Variants in PPA2 observed in about 807,000 individuals in gnomAD.
PPA2 encodes inorganic pyrophosphatase 2, also known as inorganic pyrophosphatase 2, mitochondrial.
A neutral mutation model predicts 49.5 loss-of-function variants in PPA2; 48 were observed. That is an observed-to-expected ratio of 0.97 (90% CI 0.77 to 1.23). The LOEUF is 1.23. PPA2 is among the 50% of genes most tolerant of loss of function. PPA2 has a pLI of 0.00. For missense variants in PPA2, 429 were observed against 410.1 expected (o/e 1.05, Z -0.40); for synonymous variants, 131 against 139.9 (o/e 0.94, Z 0.45).
intron 6 of PPA2, among the ~76,000 whole-genome samples, chr4:105,425,723 T>TACACATACACATACAC (rs993307304): frequency 8.2e-6 from 1 of 122,450 alleles, no homozygotes; most frequent in African/African-American, 3.1e-5. Context: ...CACATGCACA[T>TACACATACACATACAC]ACACACACAC....
chr4:105,441,623 G>T (rs1281345011), intron 5 of PPA2, among the ~76,000 whole-genome samples: 2 of 151,790 alleles, frequency 1.3e-5, no homozygotes, highest in African/African-American at 4.8e-5. Context: ...TGACTAACAG[G>T]TATATAAGTA....
Position 105,405,145 on chromosome 4 carries a change from A to G in PPA2, c.656-5981T>C, listed in dbSNP as rs145845718. On this transcript the variant is annotated intron_variant, in intron 7 of 11. Coordinates refer to ENST00000341695, the MANE Select transcript of PPA2 (RefSeq NM_176869.3). ...CATGAGTTAATTTTTTTAGAAAAAT[A>G]CTAAACAGATTTTCATTAATATTGA... 559 of 593,220 alleles carry G rather than the reference A, an allele frequency of 9.4e-4. 22 individuals carry two copies. In the East Asian group the frequency reaches 0.069, roughly 73 times the overall value. The allele number at this position is 593,220 out of a possible 1,614,324, so 36.7% of individuals were successfully genotyped here. A position where few individuals can be genotyped will look rare whatever the true frequency, so the allele number is the denominator to read the frequency against.
At chr4:105,376,567 T>A (rs1733261630) in intron 10 of PPA2, among the ~76,000 whole-genome samples, 1 of 152,174 alleles carries the variant, frequency 6.6e-6, no homozygotes, top group African/African-American at 2.4e-5. Flanking sequence ...CTGAGGGTGC[T>A]GAGACCTCTC....
At chr4:105,436,370 T>C (rs983905456) in intron 6 of PPA2, among the ~76,000 whole-genome samples, 5 of 152,146 alleles carry the variant, frequency 3.3e-5, no homozygotes, top group African/African-American at 9.7e-5. Context: ...AGAATCAATA[T>C]TGTTAAAATG....
At chr4:105,379,398 T>G (rs1733383756) in intron 10 of PPA2, among the ~76,000 whole-genome samples, 1 of 151,398 alleles carries the variant, frequency 6.6e-6, no homozygotes, top group Non-Finnish European at 1.5e-5. Context: ...TATATATATA[T>G]CTATATGTGT....
In PPA2 at chr4:105,414,185, T is replaced by C. The variant is rs141856354; in HGVS notation, c.655+10011A>G. Among the ~76,000 whole-genome samples, 608 of 152,294 alleles carry C rather than the reference T, an allele frequency of 4.0e-3. 3 individuals are homozygous for C. The highest frequency in any genetic ancestry group is 6.6e-3 in the Non-Finnish European group (446 of 68,016). ...TCAGATTGGCAAAAAAATAATAAAC[T>C]ATTATTTAGGAAGCATTTACTCTCA... On this transcript the variant is annotated intron_variant, in intron 7 of 11. Coordinates refer to ENST00000341695, the MANE Select transcript of PPA2 (RefSeq NM_176869.3).
At chr4:105,429,850 T>C (rs1723717432) in intron 6 of PPA2, among the ~76,000 whole-genome samples, 1 of 152,164 alleles carries the variant, frequency 6.6e-6, no homozygotes, top group African/African-American at 2.4e-5. Context: ...GAGTAAAGCC[T>C]TAAGAAAATA....
At chr4:105,400,743 G>A (rs1219957861) in intron 7 of PPA2, among the ~76,000 whole-genome samples, 3 of 152,006 alleles carry the variant, frequency 2.0e-5, no homozygotes, top group East Asian at 1.9e-4. Flanking sequence ...TATGATTTTT[G>A]TTACTTAACT....
At chr4:105,456,219 C>T (rs1414045949) in intron 2 of PPA2, 1 of 477,050 alleles carries the variant, frequency 2.1e-6, no homozygotes, top group Non-Finnish European at 4.2e-6. Context: ...TGGTCAGAAG[C>T]TAATTCCAAA....
chr4:105,395,154 T>A (rs532171806), intron 9 of PPA2, among the ~76,000 whole-genome samples: 14 of 142,000 alleles, frequency 9.9e-5, no homozygotes, highest in Non-Finnish European at 1.7e-4. Flanking sequence ...GTTTCTTTAG[T>A]AAGCAAGAGA....
intron 1 of PPA2, chr4:105,473,602 C>T (rs934960077): frequency 3.1e-6 from 2 of 640,038 alleles, no homozygotes; most frequent in Non-Finnish European, 5.8e-6. Context: ...ACTCTGCCTA[C>T]CCCTCGGGGA....
At chr4:105,383,901 A>AC (rs1210104527) in intron 10 of PPA2, among the ~76,000 whole-genome samples, 1 of 5,328 alleles carries the variant, frequency 1.9e-4, no homozygotes, top group Non-Finnish European at 3.9e-4. Flanking sequence ...CAATTAAAGG[A>AC]CAAAAAAAAA....
intron 6 of PPA2, among the ~76,000 whole-genome samples, chr4:105,434,960 T>C (rs1723981830): frequency 6.6e-6 from 1 of 152,226 alleles, no homozygotes; most frequent in Admixed American, 6.5e-5. Context: ...TCAATCTAAA[T>C]CAATTCAACA....
intron 8 of PPA2, chr4:105,398,512 T>G (rs1397682538): frequency 1.3e-5 from 2 of 152,242 alleles, no homozygotes; most frequent in Non-Finnish European, 2.9e-5. Flanking sequence ...TGCTTTAGAC[T>G]TTAACTCTTT....
At chr4:105,466,844 C>T (rs1271068175) in intron 1 of PPA2, among the ~76,000 whole-genome samples, 2 of 152,196 alleles carry the variant, frequency 1.3e-5, no homozygotes, top group African/African-American at 4.8e-5. Flanking sequence ...CCATGTGCAA[C>T]GTGTTTACTG....
chr4:105,399,229 G>A, intron 7 of PPA2, 65 bp from the exon 8 acceptor site: 3 of 1,493,282 alleles, frequency 2.0e-6, no homozygotes, highest in Non-Finnish European at 1.8e-6. Context: ...TAGTGGCAGA[G>A]CATTGGACTG....
chr4:105,447,547 G>GT (rs1003729655), intron 4 of PPA2, among the ~76,000 whole-genome samples: 39 of 152,098 alleles, frequency 2.6e-4, no homozygotes, highest in African/African-American at 8.2e-4. Context: ...ACAAAAAATG[G>GT]TAAGTATTTG....
chr4:105,440,612 G>A (rs1244460698), intron 5 of PPA2, among the ~76,000 whole-genome samples: 1 of 152,108 alleles, frequency 6.6e-6, no homozygotes, highest in African/African-American at 2.4e-5. Context: ...GATTGTTAGT[G>A]CTCATTTACA....
In PPA2 at chr4:105,369,761, T is replaced by TA; in HGVS notation, c.977-9dup. 6.3e-7 allele frequency: 1 copy of TA among 1,582,504 alleles called. No homozygotes were observed. Among genetic ancestry groups the TA allele is most frequent in the Non-Finnish European group, 8.7e-7 (1 of 1,151,372 alleles). On this transcript the variant is annotated splice_polypyrimidine_tract_variant and intron_variant, in intron 11 of 11. Transcript: ENST00000341695. ...GGAAGTGCCACACTTGCTCTGCATT[T>TA]AAAATGGGGAAAGAGGGTATTAGGG...
Sources: gnomAD v4.1 joint callset for allele counts (sites outside exome capture counted in the v4.1 genomes callset) on GRCh38, gnomAD v4.1.1 for gene constraint, MANE v1.5 for transcripts, NCBI Gene and HGNC (gene_info 2026-07-23, HGNC 2026-07-21) for gene names.